Variants in SLC16A2 observed in about 807,000 individuals in gnomAD.
The protein encoded by SLC16A2 is solute carrier family 16 member 2.
SLC16A2 carries 3 observed loss-of-function variants against 27.2 expected under a neutral mutation model. The observed-to-expected ratio is 0.11, with a 90% CI of 0.05 to 0.28. The LOEUF is 0.28. Among genes scored for constraint, SLC16A2 ranks in the 10% least tolerant of loss-of-function variants. The probability of loss-of-function intolerance (pLI) is 1.00; values close to 1 mark genes in which losing one functional copy is unlikely to be tolerated. For missense variants in SLC16A2, 295 were observed against 458.5 expected (o/e 0.64, Z 3.26); for synonymous variants, 202 against 187.8 (o/e 1.08, Z -0.62).
At chrX:74,429,312 A>AT (rs1928487027) in intron 1 of SLC16A2, among the ~76,000 whole-genome samples, 1 of 111,189 alleles carries the variant, frequency 9.0e-6, no homozygotes, top group Non-Finnish European at 1.9e-5. Flanking sequence ...TACAAAAAAA[A>AT]TTTTTAAAAA....
chrX:74,430,075 A>C (rs182796054), intron 1 of SLC16A2, among the ~76,000 whole-genome samples: 2 of 112,390 alleles, frequency 1.8e-5, no homozygotes, highest in Non-Finnish European at 3.8e-5. Flanking sequence ...GGTGGTAGTA[A>C]TAGTAATAAT....
intron 1 of SLC16A2, among the ~76,000 whole-genome samples, chrX:74,445,173 C>T (rs997741340): frequency 9.1e-6 from 1 of 110,253 alleles, no homozygotes; most frequent in African/African-American, 3.3e-5. Context: ...TTCTAAGTTG[C>T]GTGTGTGTGT....
intron 1 of SLC16A2, among the ~76,000 whole-genome samples, chrX:74,449,552 T>C (rs777472692): frequency 8.9e-6 from 1 of 112,410 alleles, no homozygotes; most frequent in Non-Finnish European, 1.9e-5. Context: ...ACTCTGGTTA[T>C]GTCAACTTCT....
At chrX:74,472,191 C>A (rs1262603582) in intron 1 of SLC16A2, among the ~76,000 whole-genome samples, 1 of 110,858 alleles carries the variant, frequency 9.0e-6, no homozygotes, top group Non-Finnish European at 1.9e-5. Flanking sequence ...GGGTATATAC[C>A]CAGAAATATG....
chrX:74,491,228 G>A (rs1454561964), intron 1 of SLC16A2, among the ~76,000 whole-genome samples: 1 of 112,463 alleles, frequency 8.9e-6, no homozygotes, highest in Non-Finnish European at 1.9e-5. Context: ...TCTGGGTGCA[G>A]TTTGGTTTTG....
At chrX:74,450,114 C>G (rs770513620) in intron 1 of SLC16A2, among the ~76,000 whole-genome samples, 3 of 112,228 alleles carry the variant, frequency 2.7e-5, no homozygotes, top group Non-Finnish European at 5.6e-5. Context: ...TAGCAAGCAT[C>G]AAGGCAAGTC....
intron 1 of SLC16A2, among the ~76,000 whole-genome samples, chrX:74,472,699 A>T (rs1300157237): frequency 9.3e-6 from 1 of 107,511 alleles, no homozygotes; most frequent in Admixed American, 1.0e-4. Flanking sequence ...TTTATTCAGC[A>T]TCATAATCAG....
chrX:74,528,686 T>C, intron 4 of SLC16A2, among the ~76,000 whole-genome samples: 1 of 111,772 alleles, frequency 8.9e-6, no homozygotes, highest in Non-Finnish European at 1.9e-5. Flanking sequence ...CAAGGTATTT[T>C]ATAAAATCAG....
At chrX:74,519,469 G>A (rs1175818197) in intron 1 of SLC16A2, among the ~76,000 whole-genome samples, 14 of 100,659 alleles carry the variant, frequency 1.4e-4, no homozygotes, top group Non-Finnish European at 2.4e-4. Context: ...GAGCCACCAC[G>A]CCTGGCCCTG....
intron 1 of SLC16A2, among the ~76,000 whole-genome samples, chrX:74,508,559 A>G (rs1386380683): frequency 8.9e-6 from 1 of 112,157 alleles, no homozygotes; most frequent in Non-Finnish European, 1.9e-5. Flanking sequence ...GATCTTGCTT[A>G]GCTTATTTGT....
At chrX:74,468,554 A>G (rs766478863) in intron 1 of SLC16A2, among the ~76,000 whole-genome samples, 2 of 112,283 alleles carry the variant, frequency 1.8e-5, no homozygotes, top group Non-Finnish European at 3.8e-5. Flanking sequence ...CTTTTTGGCT[A>G]TTATGAGTAA....
intron 1 of SLC16A2, among the ~76,000 whole-genome samples, chrX:74,435,875 C>G (rs1025256675): frequency 4.5e-5 from 5 of 110,169 alleles, no homozygotes; most frequent in African/African-American, 1.7e-4. Context: ...GTCTTTCTGA[C>G]CCTGCCAAGT....
chrX:74,475,629 C>A (rs1929460159), intron 1 of SLC16A2, among the ~76,000 whole-genome samples: 1 of 112,082 alleles, frequency 8.9e-6, no homozygotes, highest in African/African-American at 3.2e-5. Flanking sequence ...ACATTTAAAT[C>A]TTTAATCCAT....
At chrX:74,439,180 CTTTCTT>C in intron 1 of SLC16A2, among the ~76,000 whole-genome samples, 1 of 99,533 alleles carries the variant, frequency 1.0e-5, no homozygotes, top group African/African-American at 3.8e-5. Flanking sequence ...TTCTTTCTTT[CTTTCTT>C]TTTCTTTCTT....
At chrX:74,438,699 C>T (rs1340221591) in intron 1 of SLC16A2, among the ~76,000 whole-genome samples, 2 of 112,057 alleles carry the variant, frequency 1.8e-5, no homozygotes, top group Non-Finnish European at 3.8e-5. Context: ...CAGTTTCTGC[C>T]TAGATAATCC....
At chrX:74,453,901 T>TGG (rs1293361011) in intron 1 of SLC16A2, among the ~76,000 whole-genome samples, 1 of 112,123 alleles carries the variant, frequency 8.9e-6, no homozygotes, top group Admixed American at 9.5e-5. Context: ...TACATACTTA[T>TGG]GGGGTACTTG....
chrX:74,467,340 G>C (rs759386612), intron 1 of SLC16A2, among the ~76,000 whole-genome samples: 1 of 111,548 alleles, frequency 9.0e-6, no homozygotes, highest in Non-Finnish European at 1.9e-5. Flanking sequence ...CTAAGGGGGG[G>C]CTTCTAAAAC....
At chrX:74,522,792 G>C (rs1439335052) in intron 2 of SLC16A2, among the ~76,000 whole-genome samples, 4 of 111,644 alleles carry the variant, frequency 3.6e-5, no homozygotes, top group Non-Finnish European at 7.5e-5. Flanking sequence ...TGTTCTTTCT[G>C]TAAGAGGATC....
intron 1 of SLC16A2, among the ~76,000 whole-genome samples, chrX:74,436,573 G>A (rs1009799908): frequency 2.7e-5 from 3 of 112,043 alleles, no homozygotes; most frequent in African/African-American, 9.7e-5. Flanking sequence ...TGTTAAATGA[G>A]TTGATATCTA....
Sources: gnomAD v4.1 joint callset for allele counts (sites outside exome capture counted in the v4.1 genomes callset) on GRCh38, gnomAD v4.1.1 for gene constraint, MANE v1.5 for transcripts, NCBI Gene and HGNC (gene_info 2026-07-23, HGNC 2026-07-21) for gene names.